The following FOXN3 variants were observed in gnomAD, a reference collection of about 807,000 sequenced individuals.
The protein encoded by FOXN3 is forkhead box protein N3.
In FOXN3, 7 loss-of-function variants were observed where a neutral mutation model predicts 38.4. The ratio of observed to expected loss-of-function variants is 0.18; its 90% CI spans 0.10 to 0.34. The LOEUF (loss-of-function observed/expected upper bound fraction) is 0.34, where lower values mean the gene tolerates loss of function less well. Ranked by LOEUF, FOXN3 falls within the 10% of genes least tolerant of loss-of-function variation. FOXN3 has a pLI of 1.00. For synonymous variants in FOXN3, 230 were observed against 242.2 expected (o/e 0.95, Z 0.47); for missense variants, 456 against 613.4 (o/e 0.74, Z 2.71).
chr14:89,442,248 G>A (rs1359866443), intron 1 of FOXN3, among the ~76,000 whole-genome samples: 2 of 151,912 alleles, frequency 1.3e-5, no homozygotes, highest in Non-Finnish European at 2.9e-5. Context: ...CCTTTCCAAT[G>A]ACACTCAACA....
chr14:89,187,833 G>C (rs1235113324), intron 4 of FOXN3, among the ~76,000 whole-genome samples: 1 of 152,122 alleles, frequency 6.6e-6, no homozygotes, highest in African/African-American at 2.4e-5. Flanking sequence ...CCTTGCTAAG[G>C]AACTGCTCCA....
At chr14:89,465,911 A>G (rs1441399499) in intron 1 of FOXN3, among the ~76,000 whole-genome samples, 1 of 152,264 alleles carries the variant, frequency 6.6e-6, no homozygotes, top group Non-Finnish European at 1.5e-5. Context: ...GGTTTACATA[A>G]AACAGTGTCC....
intron 4 of FOXN3, among the ~76,000 whole-genome samples, chr14:89,264,759 A>G (rs1013343033): frequency 2.0e-5 from 3 of 152,200 alleles, no homozygotes; most frequent in African/African-American, 7.2e-5. Context: ...CCACATCAGG[A>G]GGATGCTGGT....
chr14:89,431,872 G>A (rs1368151602), intron 1 of FOXN3, among the ~76,000 whole-genome samples: 2 of 151,998 alleles, frequency 1.3e-5, no homozygotes, highest in Non-Finnish European at 2.9e-5. Flanking sequence ...CCGCCACCAC[G>A]TCCAGCTAAT....
At chr14:89,477,302 C>G (rs562664571) in intron 1 of FOXN3, among the ~76,000 whole-genome samples, 1 of 152,224 alleles carries the variant, frequency 6.6e-6, no homozygotes, top group South Asian at 2.1e-4. Context: ...GAGGAGTATT[C>G]CATATTTCTC....
At chr14:89,166,446 A>G (rs1480042818) in intron 5 of FOXN3, among the ~76,000 whole-genome samples, 1 of 152,150 alleles carries the variant, frequency 6.6e-6, no homozygotes, top group Non-Finnish European at 1.5e-5. Flanking sequence ...CCAAGTCCCT[A>G]TTGGAACACT....
At chr14:89,394,871 G>A (rs946644188) in intron 2 of FOXN3, among the ~76,000 whole-genome samples, 6 of 152,226 alleles carry the variant, frequency 3.9e-5, no homozygotes, top group African/African-American at 1.2e-4. Context: ...ATCATTGGAA[G>A]CACAGCTAGT....
intron 4 of FOXN3, among the ~76,000 whole-genome samples, chr14:89,215,248 T>C (rs933213975): frequency 3.3e-5 from 5 of 152,190 alleles, no homozygotes; most frequent in Admixed American, 6.5e-5. Context: ...AGTGCTGCTT[T>C]GCAAATCTGG....
chr14:89,373,268 T>C (rs1890375198), intron 2 of FOXN3, among the ~76,000 whole-genome samples: 1 of 152,192 alleles, frequency 6.6e-6, no homozygotes, highest in Non-Finnish European at 1.5e-5. Flanking sequence ...GGAACAAGTC[T>C]GTAAGACTTC....
rs1887130945 is a variant in FOXN3 at position 89,162,590 on chromosome 14, C to T, written c.1231G>A (p.Asp411Asn). Residue 411 changes from aspartate (D) to asparagine (N), a missense_variant, in exon 6 of 6, where the codon GAC becomes AAC. Physicochemically the swap from Asp to Asn is conservative, Grantham distance 23. Coordinates refer to ENST00000557258, the MANE Select transcript of FOXN3 (RefSeq NM_005197.4). The surrounding 1 kb of genome is among the most constrained non-coding windows in gnomAD (Gnocchi z 7.2). ...HFAKARKVPS[D>N]TLPLKKRRTE... ...CGTCTCTTTTTGAGGGGCAGTGTGT[C>T]GCTGGGGACCTTCCTGGCCTTGGCG... 1.2e-6 allele frequency: 2 copies of T among 1,613,142 alleles called. No individual in the cohort carries two copies. Among genetic ancestry groups the T allele is most frequent in the Non-Finnish European group, 1.7e-6 (2 of 1,179,908 alleles).
upstream of FOXN3, among the ~76,000 whole-genome samples, chr14:89,421,202 T>G (rs1447364972): frequency 6.9e-6 from 1 of 145,800 alleles, no homozygotes; most frequent in Non-Finnish European, 1.5e-5. Context: ...CAGGCTGGAG[T>G]GCAATGGCAC....
intron 3 of FOXN3, among the ~76,000 whole-genome samples, chr14:89,336,636 T>C (rs1023364211): frequency 1.3e-5 from 2 of 152,214 alleles, no homozygotes; most frequent in East Asian, 1.9e-4. Context: ...GCTGTCTGTA[T>C]ACCAAGTCTG....
Position 89,409,479 on chromosome 14 carries a change from G to A in FOXN3, c.543+2455C>T, listed in dbSNP as rs1410816990. 4 of 152,254 alleles carry A rather than the reference G, an allele frequency of 2.6e-5. No homozygotes were observed. The East Asian group carries it at 5.8e-4, about 22-fold the overall frequency. The allele number at this position is 152,254 out of a possible 1,614,324, so 9.4% of individuals were successfully genotyped here. ...CCCAAGTCTCGCTGCACGCCTTGGC[G>A]TTGGTCTTTTCTAACATTTCAGAGT... On this transcript the variant is annotated intron_variant, in intron 2 of 5. Transcript: ENST00000557258.
chr14:89,333,990 A>C (rs866383707), intron 3 of FOXN3, among the ~76,000 whole-genome samples: 4 of 90,772 alleles, frequency 4.4e-5, no homozygotes, highest in African/African-American at 1.6e-4. Flanking sequence ...ATATATATAT[A>C]TATATATATA....
chr14:89,166,375 G>T (rs1050619287), intron 5 of FOXN3, among the ~76,000 whole-genome samples: 4 of 152,170 alleles, frequency 2.6e-5, no homozygotes. Flanking sequence ...ATTTGATGCT[G>T]TGTGGGGCAG....
intron 3 of FOXN3, among the ~76,000 whole-genome samples, chr14:89,306,060 T>A (rs1887360288): frequency 6.6e-6 from 1 of 152,248 alleles, no homozygotes; most frequent in South Asian, 2.1e-4. Flanking sequence ...CAGAGCTATG[T>A]GCATATAATG....
Position 89,298,130 on chromosome 14 carries a change from A to T in FOXN3, c.681-17116T>A, listed in dbSNP as rs145947253. On this transcript the variant is annotated intron_variant, in intron 3 of 5. Transcript: ENST00000557258. ...CCTTTAAAAGGAAGGAAACCCTCACATACGTTATAACATGAACCTTGAGGG... is the reference window on the plus strand; with the variant it reads ...CCTTTAAAAGGAAGGAAACCCTCACTTACGTTATAACATGAACCTTGAGGG... Among the ~76,000 whole-genome samples the T allele has an allele frequency of 3.7e-4, 57 of 152,370 alleles. No homozygotes were observed. The East Asian group carries it at 0.011, about 28-fold the overall frequency.
chr14:89,472,448 C>T (rs770090756), intron 1 of FOXN3, among the ~76,000 whole-genome samples: 5 of 150,136 alleles, frequency 3.3e-5, no homozygotes, highest in African/African-American at 7.4e-5. Context: ...AGGCCGGGCG[C>T]GGTGGCTCAC....
intron 3 of FOXN3, among the ~76,000 whole-genome samples, chr14:89,311,480 A>AC (rs1317215402): frequency 6.7e-6 from 1 of 149,698 alleles, no homozygotes; most frequent in Non-Finnish European, 1.5e-5. Context: ...TCAAAAAAAA[A>AC]AAAAAAAAAA....
Sources: allele counts gnomAD v4.1 joint callset (sites outside exome capture counted in the v4.1 genomes callset), GRCh38; gene constraint gnomAD v4.1.1; non-coding constraint Gnocchi (gnomAD v3.1); transcripts MANE v1.5; gene names NCBI Gene and HGNC (gene_info 2026-07-23, HGNC 2026-07-21).